The following WIPF3 variants were observed in gnomAD, a reference collection of about 807,000 sequenced individuals.
WIPF3 encodes the protein WAS/WASL-interacting protein family member 3.
In WIPF3, 33 loss-of-function variants were observed where a neutral mutation model predicts 38.9. That is an observed-to-expected ratio of 0.85 (90% confidence interval 0.64 to 1.14). The LOEUF is 1.14. WIPF3 is among the 50% of genes most tolerant of loss of function. The pLI is 0.00. For missense variants in WIPF3, 711 were observed against 652.5 expected (o/e 1.09, Z -0.98); for synonymous variants, 324 against 269.3 (o/e 1.20, Z -1.99).
At chr7:29,838,826 T>C (rs1412701628) in intron 2 of WIPF3, among the ~76,000 whole-genome samples, 1 of 152,202 alleles carries the variant, frequency 6.6e-6, no homozygotes, top group Non-Finnish European at 1.5e-5. Context: ...TGTCCATCAA[T>C]GGCAGAATGG....
chr7:29,904,051 G>A (rs993788684), intron 7 of WIPF3, among the ~76,000 whole-genome samples: 54 of 152,104 alleles, frequency 3.6e-4, no homozygotes, highest in African/African-American at 1.0e-3. Flanking sequence ...AAGTTCTAAC[G>A]TGCATTTATT....
At chr7:29,861,202 C>T (rs1452135759) in intron 2 of WIPF3, among the ~76,000 whole-genome samples, 1 of 152,150 alleles carries the variant, frequency 6.6e-6, no homozygotes, top group African/African-American at 2.4e-5. Context: ...TACTCTGTCC[C>T]TGCCCATAGG....
At chr7:29,806,792 A>C (rs1415199132) in intron 1 of WIPF3, 114 bp downstream of exon 1, 4 of 150,992 alleles carry the variant, frequency 2.6e-5, no homozygotes, top group African/African-American at 9.7e-5. Context: ...CGGGACAGAG[A>C]TCCTGAGGGC....
At chr7:29,904,258 A>C (rs980602769) in intron 7 of WIPF3, 28 bp from the exon 8 acceptor site, 7 of 1,612,160 alleles carry the variant, frequency 4.3e-6, no homozygotes, top group Non-Finnish European at 5.9e-6. Context: ...GGGCCAATAG[A>C]TAATGAGATT....
At chr7:29,836,114 G>A (rs951344943) in intron 2 of WIPF3, among the ~76,000 whole-genome samples, 4 of 152,222 alleles carry the variant, frequency 2.6e-5, no homozygotes, top group Non-Finnish European at 2.9e-5. Flanking sequence ...TATAAATTAC[G>A]TTTGAGAGCT....
chr7:29,836,141 C>G (rs1299880001), intron 2 of WIPF3, among the ~76,000 whole-genome samples: 1 of 152,160 alleles, frequency 6.6e-6, no homozygotes, highest in Non-Finnish European at 1.5e-5. Context: ...CCAATATAAA[C>G]AAAGAATAGG....
At position 29,876,090 on chromosome 7, in the gene WIPF3, C is replaced by T. The variant is rs1785591376; in HGVS notation, c.223+128C>T. The T allele has an allele frequency of 4.2e-5, 54 of 1,298,568 alleles. No homozygotes were observed. The South Asian group carries it at 7.7e-4, about 18-fold the overall frequency. 80.4% of individuals were successfully genotyped at this position (1,298,568 alleles called of 1,614,324 possible). On this transcript the variant is annotated intron_variant, in intron 3 of 8. Coordinates refer to ENST00000242140, the MANE Select transcript of WIPF3 (RefSeq NM_001080529.3). ...TGCATATGGAGCCATCTCAGACCTG[C>T]TCATTGGACAGGCCAAGTGGGCGAG...
intron 1 of WIPF3, among the ~76,000 whole-genome samples, chr7:29,825,104 C>T (rs979971109): frequency 2.6e-5 from 4 of 152,126 alleles, no homozygotes; most frequent in African/African-American, 9.7e-5. Flanking sequence ...AAACACCATT[C>T]GTATAAAATC....
chr7:29,862,250 T>TA (rs1785298689), intron 2 of WIPF3, among the ~76,000 whole-genome samples: 1 of 152,148 alleles, frequency 6.6e-6, no homozygotes, highest in Admixed American at 6.5e-5. Context: ...ACTAGACCAT[T>TA]AGACAACTCA....
intron 2 of WIPF3, among the ~76,000 whole-genome samples, chr7:29,863,733 ACTTT>A: frequency 6.6e-6 from 1 of 152,294 alleles, no homozygotes; most frequent in South Asian, 2.1e-4. Flanking sequence ...ATTTAGGTCT[ACTTT>A]CTTTCATTAG....
intron 3 of WIPF3, among the ~76,000 whole-genome samples, chr7:29,877,748 ATATTT>A (rs1189469724): frequency 2.0e-5 from 3 of 152,224 alleles, no homozygotes; most frequent in African/African-American, 7.2e-5. Context: ...CATGAAATTA[ATATTT>A]TATTAACTTC....
chr7:29,914,374 C>G (rs1165023094), intron 8 of WIPF3, 119 bp from the exon 9 acceptor site: 8 of 768,744 alleles, frequency 1.0e-5, no homozygotes, highest in Admixed American at 3.8e-5. Context: ...CCAAACTTGA[C>G]AGCCTTGCAT....
chr7:29,808,385 C>A (rs1784320141), intron 1 of WIPF3, among the ~76,000 whole-genome samples: 1 of 152,230 alleles, frequency 6.6e-6, no homozygotes, highest in African/African-American at 2.4e-5. Context: ...CGCAGCAATT[C>A]TTTAACAGAG....
rs773924250 is a variant in WIPF3 at position 29,884,473 on chromosome 7, C to T, written c.979C>T (p.Pro327Ser). Reference protein sequence around the residue: ...NSSSETPPPLPPKSPSFQAPP... With the variant: ...NSSSETPPPLSPKSPSFQAPP... ...CAGCAGTGAAACTCCACCCCCGCTA[C>T]CCCCTAAATCCCCCAGCTTCCAGGC... Residue 327 changes from proline (P) to serine (S), a missense_variant, in exon 5 of 9, where the codon CCC (proline) becomes TCC (serine). Transcript: ENST00000242140. The T allele has an allele frequency of 3.5e-5, 55 of 1,560,440 alleles. No homozygotes were observed. The highest frequency in any genetic ancestry group is 4.7e-5 in the Non-Finnish European group (54 of 1,154,066).
At chr7:29,810,621 T>A (rs1358356568) in intron 1 of WIPF3, among the ~76,000 whole-genome samples, 1 of 152,252 alleles carries the variant, frequency 6.6e-6, no homozygotes, top group Non-Finnish European at 1.5e-5. Context: ...GGCATAACTG[T>A]ATGGATGAGA....
At chr7:29,829,871 C>T (rs774873629) in intron 1 of WIPF3, among the ~76,000 whole-genome samples, 3 of 152,106 alleles carry the variant, frequency 2.0e-5, no homozygotes, top group South Asian at 2.1e-4. Flanking sequence ...TGCTGTTTTG[C>T]GATAGTTCAT....
chr7:29,909,422 CAG>C (rs1186609567), intron 8 of WIPF3, among the ~76,000 whole-genome samples: 2 of 151,966 alleles, frequency 1.3e-5, no homozygotes, highest in Non-Finnish European at 2.9e-5. Context: ...AAGGAAAAAA[CAG>C]AGAAGACTCA....
chr7:29,817,317 A>C (rs1784471023), intron 1 of WIPF3, among the ~76,000 whole-genome samples: 1 of 152,066 alleles, frequency 6.6e-6, no homozygotes, highest in Non-Finnish European at 1.5e-5. Context: ...TTTCCCTGCA[A>C]TTTGTAGTAT....
intron 1 of WIPF3, among the ~76,000 whole-genome samples, chr7:29,822,123 G>GGT: frequency 1.6e-5 from 1 of 62,876 alleles, no homozygotes; most frequent in Admixed American, 2.0e-4. Flanking sequence ...TTTTTTCTTA[G>GGT]TTTTTTTTTT....
Sources: gnomAD v4.1 joint callset for allele counts (sites outside exome capture counted in the v4.1 genomes callset) on GRCh38, gnomAD v4.1.1 for gene constraint, MANE v1.5 for transcripts, NCBI Gene and HGNC (gene_info 2026-07-23, HGNC 2026-07-21) for gene names.